CACNA1D: variants seen among roughly 807,000 people sequenced by gnomAD.
The protein encoded by CACNA1D is voltage-dependent L-type calcium channel subunit alpha-1D.
A neutral mutation model predicts 257.1 loss-of-function variants in CACNA1D; 55 were observed. That is an observed-to-expected ratio of 0.21 (90% CI 0.17 to 0.27). The LOEUF is 0.27. Among genes scored for constraint, CACNA1D ranks in the 10% least tolerant of loss-of-function variants. The pLI is 1.00. For synonymous variants in CACNA1D, 980 were observed against 1,014.9 expected (o/e 0.97, Z 0.65); for missense variants, 1,876 against 2,784.0 (o/e 0.67, Z 7.34).
chr3:53,667,838 T>TCAC (rs1045890064), intron 7 of CACNA1D, among the ~76,000 whole-genome samples: 5 of 143,176 alleles, frequency 3.5e-5, no homozygotes, highest in African/African-American at 1.4e-4. Flanking sequence ...TGTGTGTGTA[T>TCAC]GCATGTGTGT....
At chr3:53,542,674 C>T (rs909463581) in intron 3 of CACNA1D, among the ~76,000 whole-genome samples, 1 of 152,082 alleles carries the variant, frequency 6.6e-6, no homozygotes, top group Non-Finnish European at 1.5e-5. Context: ...AGTGAAATAG[C>T]CGGTTTACTT....
chr3:53,683,708 C>G (rs758555657), intron 8 of CACNA1D, among the ~76,000 whole-genome samples: 4 of 144,586 alleles, frequency 2.8e-5, no homozygotes, highest in Non-Finnish European at 6.1e-5. Context: ...ATAGGTAAAT[C>G]TCAGTAGGTA....
chr3:53,617,470 A>T (rs1349252574), intron 3 of CACNA1D, among the ~76,000 whole-genome samples: 2 of 152,194 alleles, frequency 1.3e-5, no homozygotes, highest in African/African-American at 4.8e-5. Context: ...TTTCAGTTTC[A>T]TAAACCCTAG....
intron 29 of CACNA1D, among the ~76,000 whole-genome samples, chr3:53,755,041 A>G (rs1393565295): frequency 6.6e-6 from 1 of 152,248 alleles, no homozygotes; most frequent in African/African-American, 2.4e-5. Context: ...ATATCTACAT[A>G]CATAAACATT....
rs1576351114 is a variant in CACNA1D, at chr3:53,687,211, G to T, written c.1220+14085G>T. Among the ~76,000 whole-genome samples the T allele has an allele frequency of 2.0e-5, 3 of 152,114 alleles. 1 individual carries two copies. Among genetic ancestry groups the T allele is most frequent in the African/African-American group, 2.4e-5 (1 of 41,552 alleles). The stretch of plus-strand genomic sequence containing the variant: ...TGTTAAGATGTCCATTTTTCTCTAT[G>T]CATTGAATGTTGTCCCATTTATAAA... On this transcript the variant is annotated intron_variant, in intron 8 of 47. Transcript: ENST00000350061.
chr3:53,504,694 T>C (rs1414541385), intron 3 of CACNA1D, among the ~76,000 whole-genome samples: 1 of 135,522 alleles, frequency 7.4e-6, no homozygotes, highest in Admixed American at 7.3e-5. Flanking sequence ...TTTATTATTA[T>C]TTTTTTTTTA....
chr3:53,761,374 G>A (rs1336460577), intron 29 of CACNA1D, among the ~76,000 whole-genome samples: 1 of 152,182 alleles, frequency 6.6e-6, no homozygotes, highest in East Asian at 1.9e-4. Flanking sequence ...TCTCTGCCAC[G>A]ACGCTGTGCC....
chr3:53,562,146 C>T (rs1465030063), intron 3 of CACNA1D, among the ~76,000 whole-genome samples: 1 of 152,108 alleles, frequency 6.6e-6, no homozygotes, highest in Non-Finnish European at 1.5e-5. Context: ...CTGGCATTAC[C>T]CTCTCTTGAG....
At chr3:53,628,839 A>G (rs1203353056) in intron 3 of CACNA1D, among the ~76,000 whole-genome samples, 5 of 152,254 alleles carry the variant, frequency 3.3e-5, no homozygotes, top group African/African-American at 1.2e-4. Flanking sequence ...GATTTTTGCT[A>G]GTATTCCATG....
Position 53,494,998 on chromosome 3 carries a change from C to A in CACNA1D, c.-169C>A. ...GCGGTTTTTTTTTTAAATCAATTATCCTTATTTTCTGTTATTTGTCCCCGT... is the reference window on the plus strand; with the variant it reads ...GCGGTTTTTTTTTTAAATCAATTATACTTATTTTCTGTTATTTGTCCCCGT... On this transcript the variant is annotated 5_prime_UTR_variant, in exon 1 of 48. Transcript: ENST00000350061. The A allele has an allele frequency of 7.0e-6, 3 of 426,870 alleles. No homozygotes were observed. The highest frequency in any genetic ancestry group is 3.1e-5 in the Admixed American group (1 of 32,604). 26.4% of individuals were successfully genotyped at this position (426,870 alleles called of 1,614,324 possible).
At chr3:53,780,452 C>G (rs879135711) in intron 38 of CACNA1D, among the ~76,000 whole-genome samples, 1 of 152,194 alleles carries the variant, frequency 6.6e-6, no homozygotes, top group Non-Finnish European at 1.5e-5. Context: ...TCCAACCATC[C>G]CTAACTAGTT....
At chr3:53,722,156 C>A (rs2094889495) in intron 11 of CACNA1D, among the ~76,000 whole-genome samples, 158 bp from the exon 12 acceptor site, 1 of 152,298 alleles carries the variant, frequency 6.6e-6, no homozygotes, top group South Asian at 2.1e-4. Context: ...ATGATGAAGT[C>A]TGTTAATTTC....
intron 2 of CACNA1D, among the ~76,000 whole-genome samples, chr3:53,501,036 C>G (rs907565974): frequency 1.3e-5 from 2 of 152,198 alleles, no homozygotes; most frequent in East Asian, 3.8e-4. Context: ...AAGCCTGGCT[C>G]GCTGCTGATC....
intron 3 of CACNA1D, among the ~76,000 whole-genome samples, chr3:53,614,070 T>A (rs1303941531): frequency 7.2e-6 from 1 of 138,240 alleles, no homozygotes; most frequent in Non-Finnish European, 1.5e-5. Flanking sequence ...GGTGGGAGGG[T>A]CACTTGAGCC....
chr3:53,604,996 C>T (rs2093490225), intron 3 of CACNA1D, among the ~76,000 whole-genome samples: 1 of 152,172 alleles, frequency 6.6e-6, no homozygotes, highest in Non-Finnish European at 1.5e-5. Flanking sequence ...CATGTAACTC[C>T]ATTCCTTTCT....
chr3:53,582,700 A>T (rs933133472), intron 3 of CACNA1D, among the ~76,000 whole-genome samples: 2 of 152,248 alleles, frequency 1.3e-5, no homozygotes, highest in East Asian at 3.9e-4. Flanking sequence ...GACCTGGGAA[A>T]ACATCACCTC....
intron 23 of CACNA1D, 69 bp from the exon 24 acceptor site, chr3:53,745,555 C>T (rs183552460): frequency 1.4e-5 from 14 of 969,754 alleles, no homozygotes; most frequent in Admixed American, 3.4e-5. Flanking sequence ...CAGAAACTGT[C>T]GGCTGATGTT....
At chr3:53,570,371 C>A (rs1419397086) in intron 3 of CACNA1D, among the ~76,000 whole-genome samples, 2 of 152,212 alleles carry the variant, frequency 1.3e-5, no homozygotes, top group African/African-American at 4.8e-5. Flanking sequence ...ACAGTAAACA[C>A]TCCATGAATA....
In CACNA1D at chr3:53,568,734, T is replaced by C. The variant is rs138206534; in HGVS notation, c.483+67014T>C. ...CTCTTGTTAATATCTCCCACTTAGA[T>C]AACCCTTTATTGATTCCTTTTCAGT... On this transcript the variant is annotated intron_variant, in intron 3 of 47. Coordinates refer to ENST00000350061, the MANE Select transcript of CACNA1D (RefSeq NM_001128840.3). 5.5e-3 allele frequency among the ~76,000 whole-genome samples: 839 copies of C among 152,330 alleles called. 8 individuals are homozygous for C. Among genetic ancestry groups the C allele is most frequent in the African/African-American group, 0.019 (800 of 41,570 alleles).
Sources: gnomAD v4.1 joint callset for allele counts (sites outside exome capture counted in the v4.1 genomes callset) on GRCh38, gnomAD v4.1.1 for gene constraint, MANE v1.5 for transcripts, NCBI Gene and HGNC (gene_info 2026-07-23, HGNC 2026-07-21) for gene names.